DCPH1: variants seen among roughly 807,000 people sequenced by gnomAD.
The protein encoded by DCPH1 is damage control phosphatase 1, also known as damage-control phosphatase 1.
At chr6:151,465,195 C>T in the DCPH1 span, among the ~76,000 whole-genome samples, 1 of 152,148 alleles carries the variant, frequency 6.6e-6, no homozygotes, top group Non-Finnish European at 1.5e-5. Flanking sequence ...ATTTCTTTAT[C>T]TTGTATTCAG....
chr6:151,456,143 C>T, the DCPH1 span, among the ~76,000 whole-genome samples: 2 of 152,234 alleles, frequency 1.3e-5, no homozygotes, highest in African/African-American at 2.4e-5. Context: ...CTTCTTTCTA[C>T]ACAGACACAG....
the DCPH1 span, among the ~76,000 whole-genome samples, chr6:151,453,494 C>A: frequency 1.3e-5 from 2 of 152,222 alleles, no homozygotes; most frequent in African/African-American, 2.4e-5. Flanking sequence ...AAATTCTGAT[C>A]AACGTAGTTA....
the DCPH1 span, among the ~76,000 whole-genome samples, chr6:151,465,482 ATGTC>A: frequency 6.6e-6 from 1 of 152,168 alleles, no homozygotes; most frequent in Non-Finnish European, 1.5e-5. Context: ...AGTCAGGTGT[ATGTC>A]TGCGGAGTAC....
the DCPH1 span, among the ~76,000 whole-genome samples, chr6:151,458,842 C>T: frequency 2.0e-5 from 3 of 152,142 alleles, no homozygotes; most frequent in Non-Finnish European, 4.4e-5. Flanking sequence ...GAGTAAATAT[C>T]TAAAGTACGA....
the DCPH1 span, among the ~76,000 whole-genome samples, chr6:151,464,295 T>G: frequency 2.4e-4 from 37 of 152,246 alleles, no homozygotes; most frequent in Non-Finnish European, 2.1e-4. Context: ...GTAATTTGAT[T>G]ATTTAGTATT....
chr6:151,468,781 C>A, the DCPH1 span: 1 of 1,614,060 alleles, frequency 6.2e-7, no homozygotes, highest in Non-Finnish European at 8.5e-7. Flanking sequence ...TTACCACAAT[C>A]ATATATTTTG....
the DCPH1 span, among the ~76,000 whole-genome samples, chr6:151,457,060 T>G: frequency 1.1e-4 from 17 of 152,338 alleles, no homozygotes; most frequent in Non-Finnish European, 1.8e-4. Context: ...GCCTCTGTTA[T>G]ACCTATGGCC....
the DCPH1 span, among the ~76,000 whole-genome samples, chr6:151,457,534 C>G: frequency 1.3e-5 from 2 of 152,160 alleles, no homozygotes; most frequent in African/African-American, 4.8e-5. Context: ...TCTTCTATTT[C>G]TGAACCTGCA....
the DCPH1 span, among the ~76,000 whole-genome samples, chr6:151,465,925 G>A: frequency 2.0e-5 from 3 of 152,144 alleles, no homozygotes; most frequent in South Asian, 6.2e-4. Flanking sequence ...TCAGGACATT[G>A]TTTTGTTTTT....
the DCPH1 span, chr6:151,464,407 A>G: frequency 1.4e-6 from 2 of 1,433,050 alleles, no homozygotes; most frequent in East Asian, 2.3e-5. Context: ...GCAGTTATCC[A>G]AATGTACAAA....
chr6:151,460,127 T>C, the DCPH1 span, among the ~76,000 whole-genome samples: 1 of 152,138 alleles, frequency 6.6e-6, no homozygotes, highest in African/African-American at 2.4e-5. Flanking sequence ...TCGCCCAGGC[T>C]GGAGTACAGT....
chr6:151,456,281 T>C, the DCPH1 span, among the ~76,000 whole-genome samples: 1 of 151,968 alleles, frequency 6.6e-6, no homozygotes, highest in Non-Finnish European at 1.5e-5. Flanking sequence ...AGTACATTTT[T>C]TTTGAGAGTT....
chr6:151,452,780 G>T, the DCPH1 span: 1 of 561,244 alleles, frequency 1.8e-6, no homozygotes, highest in Non-Finnish European at 3.1e-6. Flanking sequence ...CGGGGAGGGA[G>T]CCTGCCCGCG....
At chr6:151,454,870 GA>G in the DCPH1 span, among the ~76,000 whole-genome samples, 1 of 152,134 alleles carries the variant, frequency 6.6e-6, no homozygotes, top group Non-Finnish European at 1.5e-5. Flanking sequence ...CAGTTATTTA[GA>G]CTTCAGAATG....
chr6:151,460,118 C>T, the DCPH1 span, among the ~76,000 whole-genome samples: 1 of 152,076 alleles, frequency 6.6e-6, no homozygotes, highest in Non-Finnish European at 1.5e-5. Flanking sequence ...CTCGCTCTGT[C>T]GCCCAGGCTG....
At chr6:151,464,409 A>G in the DCPH1 span, 1 of 1,441,790 alleles carries the variant, frequency 6.9e-7, no homozygotes, top group East Asian at 2.3e-5. Flanking sequence ...AGTTATCCAA[A>G]TGTACAAACT....
the DCPH1 span, among the ~76,000 whole-genome samples, chr6:151,460,050 C>T: frequency 1.3e-5 from 2 of 152,118 alleles, no homozygotes; most frequent in East Asian, 1.9e-4. Context: ...TACACACACA[C>T]GTATATATTT....
the DCPH1 span, chr6:151,464,643 A>G: frequency 6.5e-7 from 1 of 1,532,348 alleles, no homozygotes; most frequent in Non-Finnish European, 8.9e-7. Context: ...TAATCTTCTG[A>G]GTATGTTTTA....
At chr6:151,458,076 C>T in the DCPH1 span, among the ~76,000 whole-genome samples, 4 of 152,026 alleles carry the variant, frequency 2.6e-5, no homozygotes, top group Non-Finnish European at 4.4e-5. Context: ...TCCTTTCCCT[C>T]TGTGGTAATG....
Sources: allele counts gnomAD v4.1 joint callset (sites outside exome capture counted in the v4.1 genomes callset), GRCh38; gene constraint gnomAD v4.1.1; transcripts MANE v1.5; gene names NCBI Gene and HGNC (gene_info 2026-07-23, HGNC 2026-07-21).